The following DHRS2 variants were observed in gnomAD, a reference collection of about 807,000 sequenced individuals.
DHRS2 encodes the protein dehydrogenase/reductase 2, also known as dehydrogenase/reductase SDR family member 2, mitochondrial.
DHRS2 carries 29 observed loss-of-function variants against 26.3 expected under a neutral mutation model. That is an observed-to-expected ratio of 1.10 (90% CI 0.82 to 1.50). The LOEUF (loss-of-function observed/expected upper bound fraction) is 1.50. Among genes scored for constraint, DHRS2 ranks in the 40% most tolerant of loss-of-function variants. The pLI, the probability that DHRS2 is intolerant of heterozygous loss-of-function variation, is 0.00. For missense variants in DHRS2, 439 were observed against 367.1 expected, an observed-to-expected ratio of 1.20 and a Z score of -1.60; for synonymous variants, 164 against 151.3, an observed-to-expected ratio of 1.08 and a Z score of -0.62.
chr14:23,631,128 A>T (rs1356279211), intron 1 of DHRS2, among the ~76,000 whole-genome samples: 1 of 152,226 alleles, frequency 6.6e-6, no homozygotes, highest in Non-Finnish European at 1.5e-5. Context: ...TTGCAGGGCC[A>T]TTTCAAAAAA....
At chr14:23,638,745 C>T (rs1890471213) in intron 1 of DHRS2, 82 bp from the exon 2 acceptor site, 1 of 1,410,946 alleles carries the variant, frequency 7.1e-7, no homozygotes, top group Non-Finnish European at 9.6e-7. Context: ...CTGGCCTTGT[C>T]TGTCTGGAGG....
In DHRS2 at chr14:23,644,426, T is replaced by C. The variant is rs1351448796; in HGVS notation, c.558T>C (p.Asn186=). ...YNPVVALGVY[N]VSKTALLGLT... Reference sequence around the variant, plus strand: ...CTTCCCAGGCGCTGGGTGTCTACAATGTCAGCAAGACAGCGCTGCTGGGTC... The same window carrying C: ...CTTCCCAGGCGCTGGGTGTCTACAACGTCAGCAAGACAGCGCTGCTGGGTC... The change falls in exon 7 of 9, where the codon AAT becomes AAC. Residue 186 remains asparagine, a synonymous_variant. Coordinates refer to ENST00000250383, the MANE Select transcript of DHRS2 (RefSeq NM_005794.4). 2 of 1,614,152 alleles carry C rather than the reference T, an allele frequency of 1.2e-6. No individual in the cohort carries two copies. The highest frequency in any genetic ancestry group is 1.7e-6 in the Non-Finnish European group (2 of 1,180,032).
chr14:23,644,091 T>G lies in DHRS2; in HGVS notation c.489-20T>G. 1 of 1,613,776 alleles carries G rather than the reference T, an allele frequency of 6.2e-7. No homozygotes were observed. The highest frequency in any genetic ancestry group is 2.2e-5 in the East Asian group (1 of 44,882). ...GGTAAGCTCTTAGCTTCAGCTTCTC[T>G]TATGTTTGTCTTGTCTCAGGAGGGG... On this transcript the variant is annotated intron_variant, in intron 5 of 8. Transcript: ENST00000250383.
rs1423794095 is a variant in DHRS2 at position 23,631,172 on chromosome 14, C to G, written c.-39+937C>G. The stretch of plus-strand genomic sequence containing the variant: ...AAATGCATTTTGATGTAAAATACTT[C>G]AGTTTTTTTCAGGACCTGCTATCTG... On this transcript the variant is annotated intron_variant, in intron 1 of 6. Coordinates refer to the DHRS2 transcript ENST00000432832. 2.0e-5 allele frequency among the ~76,000 whole-genome samples: 3 copies of G among 152,104 alleles called. No homozygotes were observed. In the East Asian group the frequency reaches 5.8e-4, roughly 29 times the overall value.
At chr14:23,639,037 C>A in intron 2 of DHRS2, 33 bp downstream of exon 2, 1 of 1,606,926 alleles carries the variant, frequency 6.2e-7, no homozygotes, top group Non-Finnish European at 8.5e-7. Context: ...GTCCTGGCCC[C>A]TCACAGGGTC....
At position 23,639,198 on chromosome 14, in the gene DHRS2, C is replaced by A. The variant is rs199596675; in HGVS notation, c.160C>A (p.Arg54=). 2.5e-6 allele frequency: 4 copies of A among 1,613,694 alleles called. No homozygotes were observed. Among genetic ancestry groups the A allele is most frequent in the Non-Finnish European group, 3.4e-6 (4 of 1,179,922 alleles). ...ATTCAGGATCGGCTTTGCCATCGCC[C>A]GACGTCTGGCCCGGGACGGGGCCCA... The part of the protein sequence containing the change: ...STSGIGFAIA[R]RLARDGAHVV... Residue 54 remains arginine (R), a synonymous_variant, in exon 3 of 9, where the codon CGA becomes AGA. Transcript: ENST00000250383.
intron 4 of DHRS2, chr14:23,640,167 C>T (rs1890582498): frequency 5.1e-6 from 4 of 781,456 alleles, no homozygotes; most frequent in Non-Finnish European, 6.5e-6. Context: ...GTATTTATTG[C>T]TGTCTGCCAG....
chr14:23,633,124 C>A (rs1890167925), upstream of DHRS2, among the ~76,000 whole-genome samples: 1 of 152,210 alleles, frequency 6.6e-6, no homozygotes, highest in South Asian at 2.1e-4. Context: ...GCATCCCTGG[C>A]ATTTTCCAGT....
chr14:23,642,067 G>C (rs1890693820), intron 4 of DHRS2: 1 of 1,074,520 alleles, frequency 9.3e-7, no homozygotes, highest in African/African-American at 1.7e-5. Flanking sequence ...CAGAGTGTCA[G>C]GACATGTGTG....
Position 23,639,183 on chromosome 14 carries a change from G to A in DHRS2, c.145G>A (p.Gly49Ser), listed in dbSNP as rs200598513. 12 of 1,613,012 alleles carry A rather than the reference G, an allele frequency of 7.4e-6. No homozygotes were observed. The highest frequency in any genetic ancestry group is 5.3e-5 in the African/African-American group (4 of 74,918). Reference protein sequence around the residue: ...AVVTGSTSGIGFAIARRLARD... With the variant: ...AVVTGSTSGISFAIARRLARD... Reference sequence around the variant, plus strand: ...GCCCTCCATCTCTGCATTCAGGATCGGCTTTGCCATCGCCCGACGTCTGGC... The same window carrying A: ...GCCCTCCATCTCTGCATTCAGGATCAGCTTTGCCATCGCCCGACGTCTGGC... Residue 49 changes from glycine (G) to serine (S), a missense_variant, in exon 3 of 9, where the codon GGC becomes AGC. Physicochemically the swap from Gly to Ser is moderately conservative, Grantham distance 56. Transcript: ENST00000250383.
chr14:23,644,128 T>G lies in DHRS2; in HGVS notation c.506T>G (p.Leu169Arg). ...YMENRRGAVILVSSIAAYNPV... is the reference protein window; with the variant it reads ...YMENRRGAVIRVSSIAAYNPV... ...TGTCTCAGGAGGGGTGCTGTCATCCTGGTCTCTTCCATTGCAGCTTATAAT... is the reference window on the plus strand; with the variant it reads ...TGTCTCAGGAGGGGTGCTGTCATCCGGGTCTCTTCCATTGCAGCTTATAAT... The change falls in exon 6 of 9, where the codon CTG (leucine) becomes CGG (arginine). Residue 169 changes from leucine (L) to arginine (R), a missense_variant. Transcript: ENST00000250383. 1 of 1,614,182 alleles carries G rather than the reference T, an allele frequency of 6.2e-7. No homozygotes were observed. The highest frequency in any genetic ancestry group is 8.5e-7 in the Non-Finnish European group (1 of 1,180,002).
chr14:23,641,733 A>C, intron 4 of DHRS2: 1 of 1,289,810 alleles, frequency 7.8e-7, no homozygotes, highest in Non-Finnish European at 1.0e-6. Flanking sequence ...GTCATCCCCC[A>C]CACTGGTAAC....
At chr14:23,631,556 C>T (rs182069320), upstream of DHRS2, among the ~76,000 whole-genome samples, 7 of 152,078 alleles carry the variant, frequency 4.6e-5, no homozygotes, top group East Asian at 1.4e-3. Flanking sequence ...CTACCCCCCC[C>T]ACCCCTTTCC....
chr14:23,639,503 G>T, intron 3 of DHRS2, 147 bp downstream of exon 3: 1 of 1,249,772 alleles, frequency 8.0e-7, no homozygotes, highest in South Asian at 1.7e-5. Flanking sequence ...TACCCAGAAG[G>T]TCCCTCAGGA....
Position 23,641,900 on chromosome 14 carries a change from C to T in DHRS2, c.421-1252C>T. 2.5e-6 allele frequency: 3 copies of T among 1,210,858 alleles called. 1 individual carries two copies. In the South Asian group the frequency reaches 4.4e-5, roughly 18 times the overall value. The allele number at this position is 1,210,858 out of a possible 1,614,324, so 75.0% of individuals were successfully genotyped here. Reference sequence around the variant, plus strand: ...CATTCCCTAGAGATGCAGGATGCAGCTGACCTGAATCAGGACAGATCCCTG... The same window carrying T: ...CATTCCCTAGAGATGCAGGATGCAGTTGACCTGAATCAGGACAGATCCCTG... On this transcript the variant is annotated intron_variant, in intron 4 of 8. Coordinates refer to ENST00000250383, the MANE Select transcript of DHRS2 (RefSeq NM_005794.4).
upstream of DHRS2, among the ~76,000 whole-genome samples, chr14:23,635,033 C>A (rs1890231794): frequency 6.6e-6 from 1 of 152,086 alleles, no homozygotes; most frequent in East Asian, 1.9e-4. Context: ...TCAATTAAAC[C>A]TCTTTTCTTT....
chr14:23,638,766 G>T (rs538189123), intron 1 of DHRS2, 61 bp from the exon 2 acceptor site: 7 of 1,506,444 alleles, frequency 4.6e-6, no homozygotes, highest in African/African-American at 1.4e-5. Flanking sequence ...AAGGAGGAGG[G>T]TAGATTACCT....
chr14:23,641,945 C>G (rs759312193), intron 4 of DHRS2: 19 of 1,159,246 alleles, frequency 1.6e-5, no homozygotes, highest in Non-Finnish European at 2.0e-5. Flanking sequence ...CTCCTGGTGC[C>G]ATGTCAGTCC....
intron 8 of DHRS2, 127 bp downstream of exon 8, chr14:23,645,009 C>A (rs1852549736): frequency 1.3e-6 from 2 of 1,558,854 alleles, no homozygotes; most frequent in South Asian, 2.2e-5. Context: ...TCCACATGGC[C>A]CTGGAGGGTG....
Sources: gnomAD v4.1 joint callset for allele counts (sites outside exome capture counted in the v4.1 genomes callset) on GRCh38, gnomAD v4.1.1 for gene constraint, MANE v1.5 for transcripts, NCBI Gene and HGNC (gene_info 2026-07-23, HGNC 2026-07-21) for gene names.